Variants in PCDHGA1 observed in about 807,000 individuals in gnomAD.
PCDHGA1 encodes the protein protocadherin gamma subfamily A, 1.
Under a neutral mutation model 58.0 loss-of-function variants are expected in PCDHGA1, and 32 were observed. The observed-to-expected ratio is 0.55, with a 90% CI of 0.42 to 0.74. The LOEUF (loss-of-function observed/expected upper bound fraction) is 0.74. Ranked by LOEUF, PCDHGA1 falls within the 30% of genes least tolerant of loss-of-function variation. The probability of loss-of-function intolerance (pLI) is 0.00; values close to 1 mark genes in which losing one functional copy is unlikely to be tolerated. For synonymous variants in PCDHGA1, 498 were observed against 501.1 expected (o/e 0.99, Z 0.08); for missense variants, 1,205 against 1,182.3 (o/e 1.02, Z -0.28).
intron 1 of PCDHGA1, among the ~76,000 whole-genome samples, chr5:141,405,668 G>A (rs1468042334): frequency 6.6e-6 from 1 of 152,100 alleles, no homozygotes; most frequent in Non-Finnish European, 1.5e-5. Context: ...AGTAGAGACG[G>A]GGTGTCACCA....
At chr5:141,361,332 G>C (rs544332613) in intron 1 of PCDHGA1, 1 of 1,613,934 alleles carries the variant, frequency 6.2e-7, no homozygotes, top group African/African-American at 1.3e-5. Context: ...CTTCCTCAAA[G>C]AACTATTACA....
At chr5:141,418,742 G>T (rs1351760637) in intron 1 of PCDHGA1, 6 of 1,613,778 alleles carry the variant, frequency 3.7e-6, no homozygotes, top group South Asian at 1.1e-5. Context: ...GTTCTCTCTG[G>T]ATTACACTAC....
chr5:141,347,300 C>T (rs1428845595), intron 1 of PCDHGA1, among the ~76,000 whole-genome samples: 4 of 151,876 alleles, frequency 2.6e-5, no homozygotes, highest in Admixed American at 6.6e-5. Context: ...ACTACAGGCA[C>T]GAGCCACCCT....
intron 1 of PCDHGA1, chr5:141,374,770 G>A (rs750704696): frequency 6.8e-6 from 11 of 1,613,696 alleles, no homozygotes; most frequent in South Asian, 1.1e-5. Context: ...CCCAAATTCT[G>A]GTAACAGTTC....
intron 1 of PCDHGA1, chr5:141,345,845 G>A: frequency 6.2e-7 from 1 of 1,613,458 alleles, no homozygotes; most frequent in Non-Finnish European, 8.5e-7. Context: ...ACGCCTGGCT[G>A]TCCTACCGCC....
In PCDHGA1 at chr5:141,388,566, A is replaced by T. The variant is rs145399301; in HGVS notation, c.2421+55461A>T. ...TCCACCCCTAAGCAGCACTGCACAGATACACGTTCTAGTGACTGATGCCAA... is the reference window on the plus strand; with the variant it reads ...TCCACCCCTAAGCAGCACTGCACAGTTACACGTTCTAGTGACTGATGCCAA... On this transcript the variant is annotated intron_variant, in intron 1 of 3. Transcript: ENST00000517417. 134 of 1,613,852 alleles carry T rather than the reference A, an allele frequency of 8.3e-5. No homozygotes were observed. The East Asian group carries it at 2.4e-3, about 29-fold the overall frequency.
At chr5:141,370,916 T>G in intron 1 of PCDHGA1, 1 of 1,614,016 alleles carries the variant, frequency 6.2e-7, no homozygotes, top group Non-Finnish European at 8.5e-7. Context: ...ACCTCAGCCC[T>G]GATCCGCACT....
intron 1 of PCDHGA1, chr5:141,351,327 C>A: frequency 1.9e-6 from 3 of 1,613,716 alleles, no homozygotes; most frequent in Non-Finnish European, 2.5e-6. Flanking sequence ...CCAGAGGATT[C>A]AGACCTTGGA....
intron 1 of PCDHGA1, chr5:141,376,682 T>TTTTTTTTG (rs1773145441): frequency 1.3e-6 from 1 of 786,082 alleles, no homozygotes; most frequent in African/African-American, 1.9e-5. Flanking sequence ...TATCGTTTTT[T>TTTTTTTTG]TTTTTTTTTT....
At chr5:141,399,123 T>C (rs1221457638) in intron 1 of PCDHGA1, 12 of 1,613,828 alleles carry the variant, frequency 7.4e-6, no homozygotes, top group East Asian at 2.2e-5. Context: ...TTGAAATTAA[T>C]ATTCAAGATG....
At chr5:141,414,802 G>C (rs201378410) in intron 1 of PCDHGA1, 3 of 1,614,108 alleles carry the variant, frequency 1.9e-6, no homozygotes, top group Admixed American at 3.3e-5. Flanking sequence ...CGACAGCGGG[G>C]ATCCTCCACT....
chr5:141,393,446 C>A (rs572838831), intron 1 of PCDHGA1: 1 of 1,614,038 alleles, frequency 6.2e-7, no homozygotes, highest in East Asian at 2.2e-5. Flanking sequence ...ACCACCTGGT[C>A]CTCACGGCCT....
At chr5:141,375,036 G>A (rs1229219386) in intron 1 of PCDHGA1, 6 of 1,614,002 alleles carry the variant, frequency 3.7e-6, no homozygotes, top group Admixed American at 1.7e-5. Context: ...TATGAGCTGG[G>A]TGTTGAAGCC....
Position 141,420,738 on chromosome 5 carries a change from T to C in PCDHGA1, c.2422-74069T>C, listed in dbSNP as rs550966989. 1.5e-4 allele frequency among the ~76,000 whole-genome samples: 23 copies of C among 152,358 alleles called. 1 individual carries two copies. In the South Asian group the frequency reaches 4.6e-3, roughly 30 times the overall value. ...GTTCCTTTCAGTCGGTTAAAATCAA[T>C]TGGAACCAACTACAACCTACAAGTT... On this transcript the variant is annotated intron_variant, in intron 1 of 3. Transcript: ENST00000517417.
chr5:141,381,354 G>T (rs1163041754), intron 1 of PCDHGA1, among the ~76,000 whole-genome samples: 1 of 152,202 alleles, frequency 6.6e-6, no homozygotes, highest in Admixed American at 6.5e-5. Context: ...CTTTCTGCTA[G>T]CAGAGGGTAG....
intron 1 of PCDHGA1, chr5:141,379,021 G>A (rs1199097625): frequency 6.6e-6 from 1 of 152,192 alleles, no homozygotes; most frequent in Admixed American, 6.5e-5. Context: ...TCATGAGTTG[G>A]AAGATTCTAC....
At chr5:141,438,418 G>C (rs2097959406) in intron 1 of PCDHGA1, among the ~76,000 whole-genome samples, 1 of 151,534 alleles carries the variant, frequency 6.6e-6, no homozygotes, top group Admixed American at 6.6e-5. Flanking sequence ...ATTTCACACA[G>C]TAGTTTGTAC....
intron 1 of PCDHGA1, chr5:141,414,536 C>T (rs2095757034): frequency 6.2e-7 from 1 of 1,613,976 alleles, no homozygotes; most frequent in African/African-American, 1.3e-5. Context: ...GACAACCCAC[C>T]TACCTTCTCT....
chr5:141,397,978 C>T (rs2093593315), intron 1 of PCDHGA1: 3 of 1,261,604 alleles, frequency 2.4e-6, no homozygotes, highest in Admixed American at 2.8e-5. Flanking sequence ...CAGCGCCGGC[C>T]TTTACACCGC....
Sources: gnomAD v4.1 joint callset for allele counts (sites outside exome capture counted in the v4.1 genomes callset) on GRCh38, gnomAD v4.1.1 for gene constraint, MANE v1.5 for transcripts, NCBI Gene and HGNC (gene_info 2026-07-23, HGNC 2026-07-21) for gene names.